Variants in RBM20 observed in about 807,000 individuals in gnomAD.
The protein encoded by RBM20 is RNA-binding protein 20.
Under a neutral mutation model 110.1 loss-of-function variants are expected in RBM20, and 51 were observed. The observed-to-expected ratio is 0.46, with a 90% CI of 0.37 to 0.59. The LOEUF (loss-of-function observed/expected upper bound fraction) is 0.59. RBM20 is among the 20% of genes least tolerant of loss of function. The pLI is 0.00. For missense variants in RBM20, 1,512 were observed against 1,574.9 expected (o/e 0.96, Z 0.68); for synonymous variants, 589 against 618.2 (o/e 0.95, Z 0.70).
chr10:110,757,198 T>G (rs543270772), intron 1 of RBM20, among the ~76,000 whole-genome samples: 3 of 152,258 alleles, frequency 2.0e-5, no homozygotes, highest in Admixed American at 6.5e-5. Context: ...TTGCTTATTA[T>G]TCTCCCAAGC....
At chr10:110,727,037 A>G (rs1030067859) in intron 1 of RBM20, among the ~76,000 whole-genome samples, 1 of 151,504 alleles carries the variant, frequency 6.6e-6, no homozygotes, top group Non-Finnish European at 1.5e-5. Flanking sequence ...TAGCAGAGAC[A>G]GGGTTTCGTC....
chr10:110,802,299 G>A (rs2135084105), intron 7 of RBM20, among the ~76,000 whole-genome samples: 1 of 151,766 alleles, frequency 6.6e-6, no homozygotes, highest in East Asian at 1.9e-4. Flanking sequence ...GTGTCAACCA[G>A]CTTCCAGAGT....
chr10:110,677,346 T>C (rs1862353692), intron 1 of RBM20, among the ~76,000 whole-genome samples: 1 of 151,994 alleles, frequency 6.6e-6, no homozygotes, highest in South Asian at 2.1e-4. Context: ...TGAGACACAG[T>C]CTAGCTCTGT....
At chr10:110,773,729 G>A (rs1351174962) in intron 1 of RBM20, among the ~76,000 whole-genome samples, 2 of 152,140 alleles carry the variant, frequency 1.3e-5, no homozygotes, top group Non-Finnish European at 2.9e-5. Context: ...TGCAGGATCA[G>A]TTCTCTTTGG....
intron 1 of RBM20, among the ~76,000 whole-genome samples, chr10:110,749,500 T>A (rs2134982999): frequency 6.6e-6 from 1 of 152,258 alleles, no homozygotes; most frequent in Admixed American, 6.5e-5. Context: ...ATATGATATG[T>A]TCGTAGATAG....
chr10:110,781,213 G>T lies in RBM20; in HGVS notation c.604G>T (p.Val202Leu). Residue 202 changes from valine (V) to leucine (L), a missense_variant, in exon 2 of 14, where the codon GTA becomes TTA. Around this residue, in one of 3 missense-constraint regions of RBM20, gnomAD observed 1,149 missense variants for 1,169.4 expected, o/e 0.98. Transcript: ENST00000369519. ...CATGGTGATGCATCCTTTCACTGGG[G>T]TAATGCCTCAGACCCCTGGCCAGCC... The part of the protein sequence containing the change: ...SAMVMHPFTG[V>L]MPQTPGQPAV... 1.3e-6 allele frequency: 2 copies of T among 1,551,604 alleles called. No homozygotes were observed. The highest frequency in any genetic ancestry group is 1.7e-6 in the Non-Finnish European group (2 of 1,147,004).
chr10:110,652,497 G>A (rs1028109732), intron 1 of RBM20, among the ~76,000 whole-genome samples: 2 of 151,946 alleles, frequency 1.3e-5, no homozygotes, highest in African/African-American at 2.4e-5. Context: ...CTGTACCTGC[G>A]AGTATTTCAT....
chr10:110,726,424 T>C (rs1194148998), intron 1 of RBM20, among the ~76,000 whole-genome samples: 2 of 152,196 alleles, frequency 1.3e-5, no homozygotes, highest in Non-Finnish European at 2.9e-5. Context: ...TGCCTGTCAC[T>C]CTCAGGGTAG....
chr10:110,751,031 C>CT (rs1192467290), intron 1 of RBM20, among the ~76,000 whole-genome samples: 1 of 151,920 alleles, frequency 6.6e-6, no homozygotes, highest in Admixed American at 6.6e-5. Context: ...GCATGCTTTC[C>CT]TTTTTGCCAG....
intron 2 of RBM20, among the ~76,000 whole-genome samples, chr10:110,782,118 G>A (rs1422898221): frequency 6.6e-6 from 1 of 152,216 alleles, no homozygotes; most frequent in East Asian, 1.9e-4. Context: ...ACTTTTTCTA[G>A]ATGAGAAAGC....
rs112358039 is a variant in RBM20, at chr10:110,782,449, T to C, written c.1275+565T>C. On this transcript the variant is annotated intron_variant, in intron 2 of 13. Coordinates refer to ENST00000369519, the MANE Select transcript of RBM20 (RefSeq NM_001134363.3). ...AGTTCCTGCAAACAGAGGTATATGA[T>C]AGTATAATGTCCCCCCAAAAAATGT... Among the ~76,000 whole-genome samples, 5 of 152,310 alleles carry C rather than the reference T, an allele frequency of 3.3e-5. 1 individual carries two copies. The highest frequency in any genetic ancestry group is 2.1e-4 in the South Asian group (1 of 4,826).
intron 1 of RBM20, among the ~76,000 whole-genome samples, chr10:110,743,699 C>T (rs902269116): frequency 6.6e-6 from 1 of 152,192 alleles, no homozygotes; most frequent in African/African-American, 2.4e-5. Context: ...TCACTGCAAC[C>T]TCTGCCTCCC....
At chr10:110,731,094 GT>G (rs1224811397) in intron 1 of RBM20, among the ~76,000 whole-genome samples, 5 of 152,082 alleles carry the variant, frequency 3.3e-5, no homozygotes, top group Non-Finnish European at 7.4e-5. Context: ...GTATGAAACT[GT>G]TTTGTTTTAT....
intron 1 of RBM20, among the ~76,000 whole-genome samples, chr10:110,762,578 G>A (rs1291648733): frequency 6.6e-6 from 1 of 152,224 alleles, no homozygotes; most frequent in Non-Finnish European, 1.5e-5. Flanking sequence ...CACATTCAGT[G>A]TATCATGTTA....
At chr10:110,818,207 C>T (rs1427431509) in intron 9 of RBM20, among the ~76,000 whole-genome samples, 1 of 144,582 alleles carries the variant, frequency 6.9e-6, no homozygotes, top group Non-Finnish European at 1.5e-5. Context: ...AGCAGAATTG[C>T]TTGAACCCAG....
chr10:110,731,741 G>C (rs1395695868), intron 1 of RBM20, among the ~76,000 whole-genome samples: 1 of 152,072 alleles, frequency 6.6e-6, no homozygotes, highest in South Asian at 2.1e-4. Flanking sequence ...GCTCCTAAAG[G>C]CAAAAGCTGC....
intron 1 of RBM20, among the ~76,000 whole-genome samples, chr10:110,756,933 G>C (rs1206465434): frequency 6.6e-6 from 1 of 152,224 alleles, no homozygotes; most frequent in Non-Finnish European, 1.5e-5. Flanking sequence ...ATTAATTAAT[G>C]TCACTAAGAG....
chr10:110,705,122 G>A (rs1477950338), intron 1 of RBM20, among the ~76,000 whole-genome samples: 8 of 152,138 alleles, frequency 5.3e-5, no homozygotes, highest in Admixed American at 5.2e-4. Flanking sequence ...TGGTTTTCCC[G>A]GCCTCCAGCA....
chr10:110,673,983 A>T (rs1862297346), intron 1 of RBM20, among the ~76,000 whole-genome samples: 1 of 152,150 alleles, frequency 6.6e-6, no homozygotes, highest in South Asian at 2.1e-4. Context: ...TGGCAGTCTG[A>T]GGGTGTATCT....
Sources: allele counts gnomAD v4.1 joint callset (sites outside exome capture counted in the v4.1 genomes callset), GRCh38; gene constraint gnomAD v4.1.1; regional missense constraint gnomAD v4.1.1; transcripts MANE v1.5; gene names NCBI Gene and HGNC (gene_info 2026-07-23, HGNC 2026-07-21).